Variants in KAT6A observed in about 807,000 individuals in gnomAD.
KAT6A encodes the protein histone acetyltransferase KAT6A.
Under a neutral mutation model 198.4 loss-of-function variants are expected in KAT6A, and 9 were observed. That is an observed-to-expected ratio of 0.05 (90% CI 0.03 to 0.08). KAT6A has a LOEUF of 0.08. Among genes scored for constraint, KAT6A ranks in the 10% least tolerant of loss-of-function variants. The pLI, the probability that KAT6A is intolerant of heterozygous loss-of-function variation, is 1.00. For missense variants in KAT6A, 2,077 were observed against 2,509.9 expected (o/e 0.83, Z 3.69); for synonymous variants, 890 against 883.0 (o/e 1.01, Z -0.14).
At chr8:41,998,270 A>G (rs1226840640) in intron 2 of KAT6A, among the ~76,000 whole-genome samples, 1 of 152,176 alleles carries the variant, frequency 6.6e-6, no homozygotes, top group Non-Finnish European at 1.5e-5. Context: ...AGCCTTCTGG[A>G]AGAATCTCTG....
chr8:41,947,956 T>C (rs2150866689), intron 10 of KAT6A, 44 bp from the exon 11 acceptor site: 4 of 1,453,266 alleles, frequency 2.8e-6, no homozygotes, highest in Non-Finnish European at 3.7e-6. Flanking sequence ...AGGGTCTCTT[T>C]AGTTCTAGAA....
intron 5 of KAT6A, among the ~76,000 whole-genome samples, chr8:41,979,644 A>G (rs149042206): frequency 6.6e-6 from 1 of 152,232 alleles, no homozygotes; most frequent in Non-Finnish European, 1.5e-5. Flanking sequence ...ACATAAATGG[A>G]AAAAGTGGGT....
intron 14 of KAT6A, 92 bp downstream of exon 14, chr8:41,942,701 G>T: frequency 7.3e-7 from 1 of 1,368,548 alleles, no homozygotes; most frequent in Non-Finnish European, 1.0e-6. Context: ...TTACTTTTCT[G>T]TGAAAGATGA....
At chr8:42,032,871 CTT>C (rs1163323345) in intron 2 of KAT6A, among the ~76,000 whole-genome samples, 10 of 76,534 alleles carry the variant, frequency 1.3e-4, no homozygotes, top group South Asian at 4.8e-4. Context: ...AAAACCTTGG[CTT>C]TTTTTTTTTT....
In KAT6A at chr8:42,021,546, A is replaced by G. The variant is rs78449645; in HGVS notation, c.600+26832T>C. 9.9e-3 allele frequency among the ~76,000 whole-genome samples: 1,515 copies of G among 152,352 alleles called. 61 individuals are homozygous for G. The highest frequency in any genetic ancestry group is 0.094 in the East Asian group (488 of 5,186). The stretch of plus-strand genomic sequence containing the variant: ...GAGAATTAAGTAATTTAAAGATCAA[A>G]TAACAAGTAAATGGTGAGACTGGAA... On this transcript the variant is annotated intron_variant, in intron 2 of 16. Transcript: ENST00000265713.
chr8:42,005,802 A>ACTCC (rs1157778029), intron 2 of KAT6A, among the ~76,000 whole-genome samples: 1 of 148,906 alleles, frequency 6.7e-6, no homozygotes, highest in Non-Finnish European at 1.5e-5. Flanking sequence ...ACACACACTC[A>ACTCC]CTCTCTTTCT....
intron 2 of KAT6A, among the ~76,000 whole-genome samples, chr8:42,038,687 C>T (rs1381959297): frequency 6.6e-6 from 1 of 152,122 alleles, no homozygotes; most frequent in Admixed American, 6.5e-5. Flanking sequence ...CACTGTGATC[C>T]AAGATTGCTA....
At chr8:41,985,647 T>C (rs148105310) in intron 3 of KAT6A, among the ~76,000 whole-genome samples, 128 of 152,288 alleles carry the variant, frequency 8.4e-4, no homozygotes, top group Middle Eastern at 3.4e-3. Context: ...CTTGCACCTC[T>C]TCCAGATAGA....
At chr8:42,026,768 C>T (rs1400267825) in intron 2 of KAT6A, among the ~76,000 whole-genome samples, 8 of 152,048 alleles carry the variant, frequency 5.3e-5, no homozygotes, top group African/African-American at 1.9e-4. Context: ...CTTTCTCTTG[C>T]CTGAATGCTC....
Position 41,931,372 on chromosome 8 carries a change from G to C in KAT6A, c.*833C>G. ...ACCATCTCTATTCCTCCAAAGGCTG[G>C]ATTTGGATTGCAAACAGCTTTTCTC... On this transcript the variant is annotated 3_prime_UTR_variant, in exon 17 of 17. Coordinates refer to ENST00000265713, the MANE Select transcript of KAT6A (RefSeq NM_006766.5). 1 of 214,896 alleles carries C rather than the reference G, an allele frequency of 4.7e-6. No homozygotes were observed. Among genetic ancestry groups the C allele is most frequent in the East Asian group, 6.9e-5 (1 of 14,438 alleles). The allele number at this position is 214,896 out of a possible 1,614,324, so 13.3% of individuals were successfully genotyped here.
chr8:41,939,544 ATACT>A (rs1053399123), intron 15 of KAT6A, among the ~76,000 whole-genome samples: 47 of 152,242 alleles, frequency 3.1e-4, no homozygotes, highest in African/African-American at 1.1e-3. Context: ...TTCCCTATAC[ATACT>A]GATAGATATA....
chr8:41,988,508 A>G (rs551894877), intron 2 of KAT6A, among the ~76,000 whole-genome samples: 15 of 152,354 alleles, frequency 9.8e-5, no homozygotes, highest in African/African-American at 3.1e-4. Context: ...CACTTGGAGA[A>G]AAATAATTAT....
chr8:41,932,834 G>T lies in KAT6A; in HGVS notation c.5386C>A (p.Pro1796Thr). 1 of 1,614,178 alleles carries T rather than the reference G, an allele frequency of 6.2e-7. No individual in the cohort carries two copies. Among genetic ancestry groups the T allele is most frequent in the Non-Finnish European group, 8.5e-7 (1 of 1,180,028 alleles). Residue 1796 changes from proline to threonine, a missense_variant, in exon 17 of 17, where the codon CCA becomes ACA. Coordinates refer to ENST00000265713, the MANE Select transcript of KAT6A (RefSeq NM_006766.5). ...GGAGTCCCAGCTAAGGGATGAGATG[G>T]AGCCAGCTGAGCCAGTCCTGTATTG... ...LSNTGLAQLA[P>T]SHPLAGTPQA...
intron 2 of KAT6A, among the ~76,000 whole-genome samples, chr8:42,007,767 C>G (rs1157133543): frequency 2.0e-5 from 3 of 151,788 alleles, no homozygotes; most frequent in Non-Finnish European, 4.4e-5. Flanking sequence ...TTGAGAACAC[C>G]CTGACTAACA....
chr8:41,935,178 T>A (rs925788116), intron 16 of KAT6A, among the ~76,000 whole-genome samples: 2 of 152,254 alleles, frequency 1.3e-5, no homozygotes, highest in African/African-American at 4.8e-5. Context: ...TACATTTCAG[T>A]TTCATCATCT....
At chr8:42,041,357 T>C (rs1230864013) in intron 2 of KAT6A, among the ~76,000 whole-genome samples, 1 of 152,250 alleles carries the variant, frequency 6.6e-6, no homozygotes, top group East Asian at 1.9e-4. Flanking sequence ...CCTCAATGAC[T>C]TGTTAGTAAC....
chr8:41,941,734 G>A (rs1359879822), intron 14 of KAT6A, among the ~76,000 whole-genome samples: 2 of 152,164 alleles, frequency 1.3e-5, no homozygotes, highest in Admixed American at 6.5e-5. Flanking sequence ...CCCAGGTCAC[G>A]CAAGAGCAAG....
intron 2 of KAT6A, among the ~76,000 whole-genome samples, chr8:42,040,753 A>AAAG (rs1231396583): frequency 1.3e-5 from 2 of 150,296 alleles, no homozygotes; most frequent in Non-Finnish European, 3.0e-5. Context: ...AAAAAAAAAA[A>AAAG]AAAAAAAGAA....
intron 2 of KAT6A, among the ~76,000 whole-genome samples, chr8:42,008,943 GAA>G (rs960704812): frequency 1.6e-4 from 25 of 152,268 alleles, no homozygotes; most frequent in Admixed American, 1.3e-3. Context: ...TATAAAAGAT[GAA>G]GAGAGCAATT....
Sources: allele counts gnomAD v4.1 joint callset (sites outside exome capture counted in the v4.1 genomes callset), GRCh38; gene constraint gnomAD v4.1.1; transcripts MANE v1.5; gene names NCBI Gene and HGNC (gene_info 2026-07-23, HGNC 2026-07-21).